Variants in KCNMA1 observed in about 807,000 individuals in gnomAD.
The protein encoded by KCNMA1 is potassium calcium-activated channel subfamily M alpha 1, also known as Calcium-activated potassium channel subunit alpha-1.
A neutral mutation model predicts 140.0 loss-of-function variants in KCNMA1; 29 were observed. That is an observed-to-expected ratio of 0.21 (90% CI 0.15 to 0.28). KCNMA1 has a LOEUF of 0.28. Ranked by LOEUF, KCNMA1 falls within the 10% of genes least tolerant of loss-of-function variation. The pLI, the probability that KCNMA1 is intolerant of heterozygous loss-of-function variation, is 1.00. For missense variants in KCNMA1, 880 were observed against 1,602.2 expected, an observed-to-expected ratio of 0.55 and a Z score of 7.70; for synonymous variants, 612 against 611.9, an observed-to-expected ratio of 1.00 and a Z score of 0.00.
At chr10:77,073,433 C>G (rs2096278880) in intron 13 of KCNMA1, among the ~76,000 whole-genome samples, 181 bp from the exon 14 acceptor site, 1 of 152,172 alleles carries the variant, frequency 6.6e-6, no homozygotes. Flanking sequence ...ACACTTCAGT[C>G]TCTCTGGACT....
chr10:77,380,695 T>G (rs2095352990), intron 2 of KCNMA1, among the ~76,000 whole-genome samples: 1 of 152,136 alleles, frequency 6.6e-6, no homozygotes, highest in Non-Finnish European at 1.5e-5. Context: ...TAGTAGGAGC[T>G]CAGATGAATG....
chr10:77,429,847 T>C (rs2097113258), intron 1 of KCNMA1, among the ~76,000 whole-genome samples: 1 of 152,140 alleles, frequency 6.6e-6, no homozygotes, highest in African/African-American at 2.4e-5. Context: ...AACCTTTCCA[T>C]TGAACAAGAG....
chr10:77,007,735 AGCT>A (rs2089502207), intron 18 of KCNMA1, among the ~76,000 whole-genome samples: 1 of 147,114 alleles, frequency 6.8e-6, no homozygotes, highest in Non-Finnish European at 1.5e-5. Context: ...GAGGAATCCA[AGCT>A]CAATAACAAA....
intron 23 of KCNMA1, among the ~76,000 whole-genome samples, chr10:76,936,400 G>A (rs1327120213): frequency 6.6e-6 from 1 of 152,154 alleles, no homozygotes; most frequent in Non-Finnish European, 1.5e-5. Flanking sequence ...ACTCCAGTGT[G>A]GTATTTATAA....
intron 19 of KCNMA1, among the ~76,000 whole-genome samples, chr10:76,977,014 G>T (rs2077789533): frequency 6.6e-6 from 1 of 152,150 alleles, no homozygotes; most frequent in Non-Finnish European, 1.5e-5. Flanking sequence ...AACTGGGAGG[G>T]CTGGGGAATG....
chr10:76,940,510 TC>T (rs757671865), intron 23 of KCNMA1, among the ~76,000 whole-genome samples: 18 of 152,154 alleles, frequency 1.2e-4, no homozygotes, highest in Non-Finnish European at 2.5e-4. Context: ...ATGACATTTG[TC>T]CTGAGTCCAC....
intron 1 of KCNMA1, among the ~76,000 whole-genome samples, chr10:77,437,359 G>A (rs150179828): frequency 4.6e-5 from 7 of 152,198 alleles, no homozygotes; most frequent in South Asian, 2.1e-4. Context: ...CAGTGGCACC[G>A]GATAAAAATA....
At chr10:77,626,710 C>T (rs1414030548) in intron 1 of KCNMA1, among the ~76,000 whole-genome samples, 2 of 152,174 alleles carry the variant, frequency 1.3e-5, no homozygotes, top group African/African-American at 4.8e-5. Flanking sequence ...CAAACCCTTC[C>T]AACGCTTCAC....
chr10:77,450,216 T>C (rs1213643900), intron 1 of KCNMA1, among the ~76,000 whole-genome samples: 1 of 152,070 alleles, frequency 6.6e-6, no homozygotes, highest in Non-Finnish European at 1.5e-5. Flanking sequence ...CTACCATGCC[T>C]GGCTAACTTT....
At chr10:77,057,817 A>G (rs1483138850) in intron 14 of KCNMA1, among the ~76,000 whole-genome samples, 2 of 151,914 alleles carry the variant, frequency 1.3e-5, no homozygotes, top group African/African-American at 4.8e-5. Flanking sequence ...AAGAAAGAAG[A>G]GAGTTCAAAG....
At chr10:76,934,684 T>C (rs2060083896) in intron 23 of KCNMA1, among the ~76,000 whole-genome samples, 2 of 152,182 alleles carry the variant, frequency 1.3e-5, no homozygotes, top group South Asian at 4.1e-4. Context: ...ACATGCAGGA[T>C]AAGGTAGTTG....
At chr10:77,109,058 T>TA (rs71477068) in intron 8 of KCNMA1, among the ~76,000 whole-genome samples, 42,938 of 142,622 alleles carry the variant, frequency 0.3, 7,617 homozygotes, top group Non-Finnish European at 0.41. Flanking sequence ...ATTTTTCTAT[T>TA]AAAAAAAAAA....
At chr10:77,529,040 T>C (rs1286694688) in intron 1 of KCNMA1, among the ~76,000 whole-genome samples, 1 of 152,288 alleles carries the variant, frequency 6.6e-6, no homozygotes, top group African/African-American at 2.4e-5. Flanking sequence ...TCTGGTTGTA[T>C]ACTTAAAATC....
At chr10:76,983,257 C>T (rs2153233068) in intron 19 of KCNMA1, among the ~76,000 whole-genome samples, 1 of 152,368 alleles carries the variant, frequency 6.6e-6, no homozygotes, top group African/African-American at 2.4e-5. Flanking sequence ...AAGATGTTCT[C>T]TGTGAAAATC....
rs2059988054 is a variant in KCNMA1 at position 77,540,773 on chromosome 10, G to A, written c.378+96492C>T. Among the ~76,000 whole-genome samples, 4 of 152,144 alleles carry A rather than the reference G, an allele frequency of 2.6e-5. No homozygotes were observed. The South Asian group carries it at 8.3e-4, about 32-fold the overall frequency. On this transcript the variant is annotated intron_variant, in intron 1 of 27. Coordinates refer to ENST00000286628, the MANE Select transcript of KCNMA1 (RefSeq NM_001161352.2). ...CCCAGCACTTCGGGAGGCCGAGGTG[G>A]GCTGATCCCCTGAGGTCAGGAGTTG...
intron 1 of KCNMA1, among the ~76,000 whole-genome samples, chr10:77,457,627 A>G (rs1268135321): frequency 6.6e-6 from 1 of 151,964 alleles, no homozygotes; most frequent in East Asian, 1.9e-4. Flanking sequence ...GGACACCTTT[A>G]TAACTAGTTC....
Position 77,636,463 on chromosome 10 carries a change from C to G in KCNMA1, c.378+802G>C, listed in dbSNP as rs1298497405. 3 of 1,536,216 alleles carry G rather than the reference C, an allele frequency of 2.0e-6. No individual in the cohort carries two copies. The Admixed American group carries it at 5.9e-5, about 30-fold the overall frequency. ...TAAAACCGCGGCCTCAGGCGGACTC[C>G]CGCTCCAGCTCCGCGCTGCTGGTGG... is the stretch of plus-strand genomic sequence containing the variant. On this transcript the variant is annotated intron_variant, in intron 1 of 27. Transcript: ENST00000286628.
chr10:77,369,970 T>G (rs896191482), intron 2 of KCNMA1, among the ~76,000 whole-genome samples: 1 of 152,096 alleles, frequency 6.6e-6, no homozygotes, highest in African/African-American at 2.4e-5. Flanking sequence ...CAATCGAAGG[T>G]TTTCTATGTC....
At chr10:77,510,493 A>T (rs1245690156) in intron 1 of KCNMA1, among the ~76,000 whole-genome samples, 1 of 152,152 alleles carries the variant, frequency 6.6e-6, no homozygotes, top group Admixed American at 6.5e-5. Context: ...TTCTCCTCAA[A>T]CAAAGGATCT....
Sources: gnomAD v4.1 joint callset for allele counts (sites outside exome capture counted in the v4.1 genomes callset) on GRCh38, gnomAD v4.1.1 for gene constraint, MANE v1.5 for transcripts, NCBI Gene and HGNC (gene_info 2026-07-23, HGNC 2026-07-21) for gene names.